Variants in SEMA3D observed in about 807,000 individuals in gnomAD.
SEMA3D encodes the protein semaphorin-3D.
Under a neutral mutation model 100.1 loss-of-function variants are expected in SEMA3D, and 84 were observed. The ratio of observed to expected loss-of-function variants is 0.84; its 90% CI spans 0.70 to 1.01. The LOEUF (loss-of-function observed/expected upper bound fraction) is 1.01. Ranked by LOEUF, SEMA3D falls within the 50% of genes least tolerant of loss-of-function variation. The pLI, the probability that SEMA3D is intolerant of heterozygous loss-of-function variation, is 0.00. For missense variants in SEMA3D, 875 were observed against 934.1 expected (o/e 0.94, Z 0.82); for synonymous variants, 312 against 320.7 (o/e 0.97, Z 0.29).
intron 1 of SEMA3D, among the ~76,000 whole-genome samples, chr7:85,154,685 A>G (rs115124897): frequency 0.01 from 1,534 of 152,310 alleles, 26 homozygotes; most frequent in African/African-American, 0.035. Context: ...GAAGTGCAGT[A>G]TAAAGTGCAC....
chr7:85,037,169 G>A (rs1441051477), intron 11 of SEMA3D, 136 bp from the exon 12 acceptor site: 3 of 700,876 alleles, frequency 4.3e-6, no homozygotes, highest in African/African-American at 3.6e-5. Context: ...TAGACACAAT[G>A]TGCCTACGTC....
chr7:85,142,073 A>G (rs1790066731), intron 2 of SEMA3D: 4 of 984,962 alleles, frequency 4.1e-6, no homozygotes, highest in African/African-American at 3.5e-5. Flanking sequence ...GTTTCTGTGA[A>G]CTATACAGAA....
intron 3 of SEMA3D, among the ~76,000 whole-genome samples, chr7:85,115,930 T>G (rs559929559): frequency 3.3e-5 from 5 of 152,152 alleles, no homozygotes; most frequent in African/African-American, 4.8e-5. Flanking sequence ...GCATTAGCAA[T>G]GTTTCCAAGC....
At chr7:85,245,859 A>C in the SEMA3D span, among the ~76,000 whole-genome samples, 1 of 152,140 alleles carries the variant, frequency 6.6e-6, no homozygotes, top group Non-Finnish European at 1.5e-5. Context: ...TACTTTCTAG[A>C]CTTATTATCT....
the SEMA3D span, among the ~76,000 whole-genome samples, chr7:85,231,479 G>A: frequency 1.3e-4 from 12 of 91,122 alleles, no homozygotes; most frequent in East Asian, 1.1e-3. Flanking sequence ...ACGGAGTCTC[G>A]CTCTGTCACC....
intron 1 of SEMA3D, among the ~76,000 whole-genome samples, chr7:85,159,459 T>G (rs1188193003): frequency 1.3e-5 from 2 of 152,188 alleles, no homozygotes; most frequent in African/African-American, 4.8e-5. Flanking sequence ...ATTACATTAT[T>G]TTCCATCTTC....
chr7:85,196,177 G>A, the SEMA3D span, among the ~76,000 whole-genome samples: 1 of 152,114 alleles, frequency 6.6e-6, no homozygotes, highest in Non-Finnish European at 1.5e-5. Flanking sequence ...TAGAATGCAT[G>A]CATTAACGTT....
intron 17 of SEMA3D, among the ~76,000 whole-genome samples, chr7:85,012,393 A>G (rs1484255337): frequency 6.6e-6 from 1 of 151,706 alleles, no homozygotes; most frequent in East Asian, 1.9e-4. Flanking sequence ...CTTTTTTCTA[A>G]TAAGACCTAC....
intron 1 of SEMA3D, among the ~76,000 whole-genome samples, chr7:85,177,455 T>A (rs897251116): frequency 2.0e-5 from 3 of 152,082 alleles, no homozygotes; most frequent in Non-Finnish European, 4.4e-5. Flanking sequence ...AAAGAGTAAG[T>A]AGTCACACAG....
intron 4 of SEMA3D, among the ~76,000 whole-genome samples, chr7:85,090,030 C>T (rs935824220): frequency 2.0e-5 from 3 of 152,140 alleles, no homozygotes; most frequent in Admixed American, 2.0e-4. Flanking sequence ...TCCAATTACT[C>T]TTGCGGATGG....
intron 3 of SEMA3D, among the ~76,000 whole-genome samples, chr7:85,104,622 T>C (rs1788855226): frequency 6.6e-6 from 1 of 152,018 alleles, no homozygotes; most frequent in South Asian, 2.1e-4. Flanking sequence ...GTGAGTCATA[T>C]TGAATCTAAT....
intron 2 of SEMA3D, chr7:85,142,131 A>C: frequency 1.0e-6 from 1 of 984,482 alleles, no homozygotes; most frequent in Non-Finnish European, 1.2e-6. Flanking sequence ...CTAAGCAATT[A>C]TTGACATATA....
chr7:85,019,579 A>G (rs918454752), intron 14 of SEMA3D, among the ~76,000 whole-genome samples: 1 of 151,808 alleles, frequency 6.6e-6, no homozygotes, highest in Non-Finnish European at 1.5e-5. Flanking sequence ...AACAAAGCAT[A>G]TTTTTAAAAA....
chr7:85,074,969 G>T (rs1791882342), intron 5 of SEMA3D, among the ~76,000 whole-genome samples: 2 of 152,090 alleles, frequency 1.3e-5, no homozygotes, highest in Admixed American at 1.3e-4. Context: ...TATGAGAAAA[G>T]ATAAGATAAA....
the SEMA3D span, among the ~76,000 whole-genome samples, chr7:85,232,916 G>A: frequency 6.6e-6 from 1 of 152,124 alleles, no homozygotes; most frequent in Non-Finnish European, 1.5e-5. Context: ...AACCCTTTAT[G>A]AGTCCTTATT....
chr7:85,156,944 C>T (rs1790614961), intron 1 of SEMA3D, among the ~76,000 whole-genome samples: 1 of 152,082 alleles, frequency 6.6e-6, no homozygotes, highest in Non-Finnish European at 1.5e-5. Context: ...ATAATGATGC[C>T]ATTAACACTT....
At chr7:85,198,366 T>C in the SEMA3D span, among the ~76,000 whole-genome samples, 1 of 152,090 alleles carries the variant, frequency 6.6e-6, no homozygotes, top group African/African-American at 2.4e-5. Context: ...TGTGTGTTAG[T>C]TTTATATTCT....
At chr7:85,180,514 T>TA (rs999210568) in intron 1 of SEMA3D, among the ~76,000 whole-genome samples, 1 of 152,346 alleles carries the variant, frequency 6.6e-6, no homozygotes, top group Admixed American at 6.5e-5. Flanking sequence ...TTCCACTATA[T>TA]AATTTAAATA....
At chr7:85,058,576 T>G (rs796125203) in intron 8 of SEMA3D, among the ~76,000 whole-genome samples, 107 of 151,880 alleles carry the variant, frequency 7.0e-4, no homozygotes, top group African/African-American at 2.4e-3. Context: ...TGAAAGCCCA[T>G]CTCTACTAAA....
Sources: gnomAD v4.1 joint callset for allele counts (sites outside exome capture counted in the v4.1 genomes callset) on GRCh38, gnomAD v4.1.1 for gene constraint, MANE v1.5 for transcripts, NCBI Gene and HGNC (gene_info 2026-07-23, HGNC 2026-07-21) for gene names.